The following ELMOD2 variants were observed in gnomAD, a reference collection of about 807,000 sequenced individuals.
The protein encoded by ELMOD2 is ELMO domain containing 2, also known as ELMO domain-containing protein 2.
A neutral mutation model predicts 41.0 loss-of-function variants in ELMOD2; 28 were observed. The observed-to-expected ratio is 0.68, with a 90% CI of 0.51 to 0.94. The LOEUF (loss-of-function observed/expected upper bound fraction) is 0.94. Ranked by LOEUF, ELMOD2 falls within the 40% of genes least tolerant of loss-of-function variation. The pLI, the probability that ELMOD2 is intolerant of heterozygous loss-of-function variation, is 0.00. For synonymous variants in ELMOD2, 106 were observed against 107.2 expected, an observed-to-expected ratio of 0.99 and a Z score of 0.07; for missense variants, 333 against 343.1, an observed-to-expected ratio of 0.97 and a Z score of 0.23.
chr4:140,524,189 G>A lies in ELMOD2; in HGVS notation c.-101G>A, dbSNP rs1030035310. 5 of 152,426 alleles carry A rather than the reference G, an allele frequency of 3.3e-5. No individual in the cohort carries two copies. Among genetic ancestry groups the A allele is most frequent in the Non-Finnish European group, 5.9e-5 (4 of 68,212 alleles). The allele number at this position is 152,426 out of a possible 1,614,324, so 9.4% of individuals were successfully genotyped here. On this transcript the variant is annotated 5_prime_UTR_variant, in exon 1 of 9. Transcript: ENST00000323570. Reference sequence around the variant, plus strand: ...CCCTGACTTCCGGGTCGCGGTGCTTGAAGGGAGTGTTCCGTCGTTTCCGTT... The same window carrying A: ...CCCTGACTTCCGGGTCGCGGTGCTTAAAGGGAGTGTTCCGTCGTTTCCGTT...
At chr4:140,535,411 G>A (rs1043071974) in intron 3 of ELMOD2, 3 of 179,624 alleles carry the variant, frequency 1.7e-5, no homozygotes, top group African/African-American at 4.8e-5. Flanking sequence ...ATGCATTCAA[G>A]ATTTTTATTA....
intron 3 of ELMOD2, among the ~76,000 whole-genome samples, chr4:140,535,127 A>G (rs1698538782): frequency 8.4e-6 from 1 of 119,408 alleles, no homozygotes; most frequent in Admixed American, 9.8e-5. Flanking sequence ...CTCTGGGGAA[A>G]TCTGTTTCTT....
At position 140,550,533 on chromosome 4, in the gene ELMOD2, ATG is replaced by A; in HGVS notation, c.*160_*161del. 1.4e-6 allele frequency: 1 copy of A among 723,256 alleles called. No individual in the cohort carries two copies. The highest frequency in any genetic ancestry group is 2.1e-6 in the Non-Finnish European group (1 of 481,584). The allele number at this position is 723,256 out of a possible 1,614,324, so 44.8% of individuals were successfully genotyped here. A position where few individuals can be genotyped will look rare whatever the true frequency, so the allele number is the denominator to read the frequency against. On this transcript the variant is annotated 3_prime_UTR_variant, in exon 9 of 9. Coordinates refer to ENST00000323570, the MANE Select transcript of ELMOD2 (RefSeq NM_153702.4). ...AAGAAAGCTAGTGGACAATCAGTGTATGTTTACAATTGTTTATACACTGTTCT... is the reference window on the plus strand; with the variant it reads ...AAGAAAGCTAGTGGACAATCAGTGTATTTACAATTGTTTATACACTGTTCT...
chr4:140,542,510 G>C (rs1237776471), intron 6 of ELMOD2, 64 bp from the exon 7 acceptor site: 2 of 1,223,308 alleles, frequency 1.6e-6, no homozygotes, highest in Admixed American at 2.0e-5. Flanking sequence ...TTTTTAAATT[G>C]GTTCTGGATA....
intron 4 of ELMOD2, among the ~76,000 whole-genome samples, chr4:140,536,685 G>A (rs1415656760): frequency 6.6e-6 from 1 of 152,144 alleles, no homozygotes; most frequent in African/African-American, 2.4e-5. Context: ...TTGTCCTCTG[G>A]TTTTTAAGCA....
chr4:140,538,816 T>C (rs1034331647), intron 5 of ELMOD2, among the ~76,000 whole-genome samples: 10 of 152,240 alleles, frequency 6.6e-5, no homozygotes, highest in Non-Finnish European at 1.3e-4. Context: ...GCATTTACTA[T>C]GTACACTCCA....
intron 4 of ELMOD2, among the ~76,000 whole-genome samples, chr4:140,537,064 G>C (rs1446837266): frequency 6.6e-6 from 1 of 152,096 alleles, no homozygotes; most frequent in East Asian, 1.9e-4. Flanking sequence ...ACCTGTTGTG[G>C]AGCTATTTGT....
intron 6 of ELMOD2, among the ~76,000 whole-genome samples, chr4:140,541,725 T>G (rs963037574): frequency 2.6e-5 from 4 of 152,054 alleles, no homozygotes; most frequent in African/African-American, 9.7e-5. Context: ...TAAATTATCA[T>G]TAATTCATGG....
chr4:140,540,059 T>G, intron 5 of ELMOD2, 109 bp from the exon 6 acceptor site: 1 of 1,281,128 alleles, frequency 7.8e-7, no homozygotes, highest in Non-Finnish European at 1.1e-6. Flanking sequence ...TGTTCTAAAG[T>G]CTTTGCTTAA....
chr4:140,549,821 G>C (rs1352865738), intron 8 of ELMOD2, among the ~76,000 whole-genome samples: 1 of 149,964 alleles, frequency 6.7e-6, no homozygotes, highest in African/African-American at 2.5e-5. Flanking sequence ...AAGTAGCTGG[G>C]ACAATAGGCG....
In ELMOD2 at chr4:140,548,480, A is replaced by T. The variant is rs12648008; in HGVS notation, c.737-1750A>T. On this transcript the variant is annotated intron_variant, in intron 8 of 8. Transcript: ENST00000323570. Reference sequence around the variant, plus strand: ...CTTAAACTGGCCTTCTTATGAAATGATATTTCAGTGTGGGAATATGATGAT... The same window carrying T: ...CTTAAACTGGCCTTCTTATGAAATGTTATTTCAGTGTGGGAATATGATGAT... 6.5e-4 allele frequency among the ~76,000 whole-genome samples: 99 copies of T among 152,300 alleles called. 2 individuals are homozygous for T. In the East Asian group the frequency reaches 0.016, roughly 25 times the overall value.
At chr4:140,525,384 G>T in intron 1 of ELMOD2, 36 bp from the exon 2 acceptor site, 3 of 1,590,922 alleles carry the variant, frequency 1.9e-6, no homozygotes, top group South Asian at 1.1e-5. Flanking sequence ...TCAGTTTAAG[G>T]TCATTAAGCT....
intron 5 of ELMOD2, 44 bp downstream of exon 5, chr4:140,537,585 A>G: frequency 2.5e-6 from 4 of 1,587,430 alleles, no homozygotes; most frequent in African/African-American, 1.4e-5. Context: ...AACGCTAGAA[A>G]AATAAATCAG....
At chr4:140,544,926 T>G (rs1382795923) in intron 8 of ELMOD2, among the ~76,000 whole-genome samples, 2 of 152,150 alleles carry the variant, frequency 1.3e-5, no homozygotes, top group African/African-American at 4.8e-5. Context: ...ACAAAGTCAC[T>G]GCATTTGGTG....
In ELMOD2 at chr4:140,535,133, TTCTTTC is replaced by T. The variant is rs1192604713; in HGVS notation, c.172-596_172-591del. Among the ~76,000 whole-genome samples, 378 of 74,364 alleles carry T rather than the reference TTCTTTC, an allele frequency of 5.1e-3. 2 individuals carry two copies. Among genetic ancestry groups the T allele is most frequent in the Middle Eastern group, 0.014 (2 of 140 alleles). The allele number at this position is 74,364 out of a possible 152,430, so 48.8% of individuals were successfully genotyped here. A position where few individuals can be genotyped will look rare whatever the true frequency, so the allele number is the denominator to read the frequency against. On this transcript the variant is annotated intron_variant, in intron 3 of 8. Coordinates refer to ENST00000323570, the MANE Select transcript of ELMOD2 (RefSeq NM_153702.4). The stretch of plus-strand genomic sequence containing the variant: ...TTTACTTTTCTCTGGGGAAATCTGT[TTCTTTC>T]TCTCTCTCTCTCTCTCTCTCTCTCT...
At chr4:140,529,921 A>G (rs998422712) in intron 3 of ELMOD2, among the ~76,000 whole-genome samples, 1 of 152,208 alleles carries the variant, frequency 6.6e-6, no homozygotes, top group Admixed American at 6.5e-5. Context: ...TCCTGAAAAG[A>G]AAAAGGCATT....
intron 3 of ELMOD2, among the ~76,000 whole-genome samples, chr4:140,531,719 A>G (rs1279885347): frequency 6.6e-6 from 1 of 152,208 alleles, no homozygotes; most frequent in East Asian, 1.9e-4. Flanking sequence ...TAGTCATTCA[A>G]AGTATAATAA....
rs1187109965 is a variant in ELMOD2, at chr4:140,527,964, T to C, written c.171+470T>C. On this transcript the variant is annotated intron_variant, in intron 3 of 8. Transcript: ENST00000323570. ...GGGGCATAAAACGATACGTTGTTTCTTGCTCATATGTCTATGGGTCAGCTG... is the reference window on the plus strand; with the variant it reads ...GGGGCATAAAACGATACGTTGTTTCCTGCTCATATGTCTATGGGTCAGCTG... 2.0e-5 allele frequency: 3 copies of C among 153,418 alleles called. No homozygotes were observed. In the East Asian group the frequency reaches 5.7e-4, roughly 29 times the overall value. The allele number at this position is 153,418 out of a possible 1,614,324, so 9.5% of individuals were successfully genotyped here.
At chr4:140,536,838 G>GGCATA (rs1255056559) in intron 4 of ELMOD2, among the ~76,000 whole-genome samples, 37 of 152,242 alleles carry the variant, frequency 2.4e-4, no homozygotes, top group Middle Eastern at 3.4e-3. Flanking sequence ...GTAGGAGAAA[G>GGCATA]AGTGCTATGA....
Sources: allele counts gnomAD v4.1 joint callset (sites outside exome capture counted in the v4.1 genomes callset), GRCh38; gene constraint gnomAD v4.1.1; transcripts MANE v1.5; gene names NCBI Gene and HGNC (gene_info 2026-07-23, HGNC 2026-07-21).